The following POLR3A variants were observed in gnomAD, a reference collection of about 807,000 sequenced individuals.
POLR3A encodes the protein DNA-directed RNA polymerase III subunit RPC1.
POLR3A carries 112 observed loss-of-function variants against 152.8 expected under a neutral mutation model. The ratio of observed to expected loss-of-function variants is 0.73; its 90% CI spans 0.63 to 0.86. The LOEUF is 0.86. Among genes scored for constraint, POLR3A ranks in the 40% least tolerant of loss-of-function variants. The pLI is 0.00. For synonymous variants in POLR3A, 615 were observed against 652.1 expected, an observed-to-expected ratio of 0.94 and a Z score of 0.87; for missense variants, 1,385 against 1,743.1, an observed-to-expected ratio of 0.79 and a Z score of 3.66.
In POLR3A at chr10:78,024,529, G is replaced by A. The variant is rs1847612995; in HGVS notation, c.645+20C>T. Reference sequence around the variant, plus strand: ...CAGGCGGGAGGCAGGCGGAAGGCAGGCGTGCATTCTCAGGCTCACCTGTGC... The same window carrying A: ...CAGGCGGGAGGCAGGCGGAAGGCAGACGTGCATTCTCAGGCTCACCTGTGC... On this transcript the variant is annotated intron_variant, in intron 5 of 30. Transcript: ENST00000372371. The A allele has an allele frequency of 6.2e-7, 1 of 1,611,998 alleles. No homozygotes were observed.
intron 24 of POLR3A, 84 bp from the exon 25 acceptor site, chr10:77,984,382 T>C (rs1847177924): frequency 2.4e-6 from 2 of 821,468 alleles, no homozygotes; most frequent in South Asian, 2.7e-5. Context: ...CCAAGTGCTA[T>C]TTAGAATCAT....
chr10:78,022,085 T>G, intron 6 of POLR3A, 60 bp downstream of exon 6: 1 of 1,614,180 alleles, frequency 6.2e-7, no homozygotes, highest in South Asian at 1.1e-5. Context: ...CACATTTTCT[T>G]GACCAGAAGT....
At chr10:78,028,565 CAGG>C (rs10597243) in intron 1 of POLR3A, among the ~76,000 whole-genome samples, 10,632 of 151,916 alleles carry the variant, frequency 0.07, 1,239 homozygotes, top group African/African-American at 0.24. Flanking sequence ...GGGTGGAATG[CAGG>C]AGGTTGCCCA....
rs536189319 is a variant in POLR3A, at chr10:77,983,086, C to T, written c.3430-269G>A. Among the ~76,000 whole-genome samples the T allele has an allele frequency of 3.3e-5, 5 of 152,300 alleles. No individual in the cohort carries two copies. In the East Asian group the frequency reaches 9.6e-4, roughly 29 times the overall value. On this transcript the variant is annotated intron_variant, in intron 26 of 30. Coordinates refer to ENST00000372371, the MANE Select transcript of POLR3A (RefSeq NM_007055.4). The stretch of plus-strand genomic sequence containing the variant: ...CATGCTCAGTTCATGGCAACACACG[C>T]AGCCTCTGTGGGAAGCTCTAGGGAG...
At chr10:78,015,150 G>A (rs1337567163) in intron 10 of POLR3A, among the ~76,000 whole-genome samples, 3 of 152,132 alleles carry the variant, frequency 2.0e-5, no homozygotes, top group Non-Finnish European at 4.4e-5. Flanking sequence ...GGTTATGTAA[G>A]TTTTTCTTAC....
At chr10:78,017,987 A>T (rs1847540977) in intron 9 of POLR3A, among the ~76,000 whole-genome samples, 1 of 151,624 alleles carries the variant, frequency 6.6e-6, no homozygotes, top group South Asian at 2.1e-4. Flanking sequence ...CAGACTGGGC[A>T]ACATGGTGAG....
At chr10:78,012,985 G>C (rs144346355) in intron 11 of POLR3A, 73 of 155,082 alleles carry the variant, frequency 4.7e-4, no homozygotes, top group African/African-American at 1.7e-3. Context: ...GCTTCCCATA[G>C]TGCTGGGATT....
At chr10:78,026,785 G>C (rs532307388) in intron 1 of POLR3A, among the ~76,000 whole-genome samples, 1 of 151,984 alleles carries the variant, frequency 6.6e-6, no homozygotes, top group Non-Finnish European at 1.5e-5. Flanking sequence ...ATCTCTATAG[G>C]CCAGCTACTG....
At chr10:77,985,074 T>C in intron 24 of POLR3A, 96 bp downstream of exon 24, 1 of 1,060,730 alleles carries the variant, frequency 9.4e-7, no homozygotes, top group Non-Finnish European at 1.5e-6. Context: ...CACAGTCCTA[T>C]GAGGATATCA....
chr10:77,992,390 T>A (rs941975805), intron 20 of POLR3A, among the ~76,000 whole-genome samples: 6 of 149,646 alleles, frequency 4.0e-5, no homozygotes, highest in African/African-American at 1.5e-4. Flanking sequence ...TGCCCCAGCC[T>A]CCTGAGTAGC....
chr10:77,992,979 G>C (rs991614765), intron 20 of POLR3A, among the ~76,000 whole-genome samples: 7 of 151,982 alleles, frequency 4.6e-5, no homozygotes. Context: ...GCCTCCCAAA[G>C]TGCTGTGATC....
At chr10:78,013,555 G>T in intron 11 of POLR3A, 95 bp downstream of exon 11, 1 of 1,263,418 alleles carries the variant, frequency 7.9e-7, no homozygotes, top group Non-Finnish European at 1.2e-6. Context: ...TGGCTTCTTT[G>T]GCGTTGTTAG....
intron 20 of POLR3A, among the ~76,000 whole-genome samples, chr10:77,992,030 T>C (rs1038589085): frequency 6.6e-6 from 1 of 152,202 alleles, no homozygotes; most frequent in African/African-American, 2.4e-5. Context: ...GGGAAACTAC[T>C]GGGTCAAAAG....
At chr10:78,016,611 G>C (rs1847526532) in intron 10 of POLR3A, among the ~76,000 whole-genome samples, 1 of 151,842 alleles carries the variant, frequency 6.6e-6, no homozygotes, top group South Asian at 2.1e-4. Flanking sequence ...CTACTTGAGA[G>C]GCTAAGGCAG....
intron 9 of POLR3A, 128 bp from the exon 10 acceptor site, chr10:78,017,844 C>G: frequency 9.1e-7 from 1 of 1,099,194 alleles, no homozygotes; most frequent in Non-Finnish European, 1.4e-6. Context: ...ATTTTAATGT[C>G]ATATAGTTTT....
intron 21 of POLR3A, among the ~76,000 whole-genome samples, chr10:77,987,271 G>C (rs575439388): frequency 6.6e-6 from 1 of 152,262 alleles, no homozygotes; most frequent in African/African-American, 2.4e-5. Context: ...GTGGCCTAGG[G>C]ATGATATAGT....
intron 3 of POLR3A, 145 bp downstream of exon 3, chr10:78,025,477 A>T: frequency 1.3e-6 from 1 of 793,526 alleles, no homozygotes; most frequent in Non-Finnish European, 2.2e-6. Flanking sequence ...GATTTAACGT[A>T]GTGTGAGATG....
chr10:78,014,994 A>G (rs1847505226), intron 10 of POLR3A, among the ~76,000 whole-genome samples: 1 of 152,248 alleles, frequency 6.6e-6, no homozygotes, highest in Non-Finnish European at 1.5e-5. Flanking sequence ...ATTAATTAGA[A>G]TGAATTCATT....
Position 77,975,943 on chromosome 10 carries a change from T to C in POLR3A, c.*1535A>G, listed in dbSNP as rs1243462195. The C allele has an allele frequency of 6.6e-6, 1 of 151,738 alleles. No homozygotes were observed. Among genetic ancestry groups the C allele is most frequent in the African/African-American group, 2.4e-5 (1 of 41,294 alleles). 9.4% of individuals were successfully genotyped at this position (151,738 alleles called of 1,614,324 possible). On this transcript the variant is annotated 3_prime_UTR_variant, in exon 31 of 31. Transcript: ENST00000372371. ...TAGTGTTCATTAACAAACTTAATCCTTTGTCCTAAACCAGGCTCTAGCTCA... is the reference window on the plus strand; with the variant it reads ...TAGTGTTCATTAACAAACTTAATCCCTTGTCCTAAACCAGGCTCTAGCTCA...
Sources: gnomAD v4.1 joint callset for allele counts (sites outside exome capture counted in the v4.1 genomes callset) on GRCh38, gnomAD v4.1.1 for gene constraint, MANE v1.5 for transcripts, NCBI Gene and HGNC (gene_info 2026-07-23, HGNC 2026-07-21) for gene names.